SCAMP1: variants seen among roughly 807,000 people sequenced by gnomAD.
SCAMP1 encodes the protein secretory carrier membrane protein 1, also known as secretory carrier-associated membrane protein 1.
A neutral mutation model predicts 41.8 loss-of-function variants in SCAMP1; 15 were observed. That is an observed-to-expected ratio of 0.36 (90% CI 0.24 to 0.55). The LOEUF (loss-of-function observed/expected upper bound fraction) is 0.55. SCAMP1 is among the 20% of genes least tolerant of loss of function. The pLI is 0.86. For synonymous variants in SCAMP1, 135 were observed against 136.8 expected, an observed-to-expected ratio of 0.99 and a Z score of 0.09; for missense variants, 341 against 412.6, an observed-to-expected ratio of 0.83 and a Z score of 1.50.
intron 6 of SCAMP1, among the ~76,000 whole-genome samples, chr5:78,424,681 C>G (rs1752422235): frequency 6.6e-6 from 1 of 152,098 alleles, no homozygotes; most frequent in Admixed American, 6.6e-5. Flanking sequence ...GATCGTGCTA[C>G]TGCACTCCAG....
chr5:78,470,134 T>G (rs1237821088), intron 8 of SCAMP1, among the ~76,000 whole-genome samples: 1 of 152,024 alleles, frequency 6.6e-6, no homozygotes, highest in African/African-American at 2.4e-5. Context: ...AGTATACAAT[T>G]TAATGGCTTT....
At chr5:78,449,252 C>G (rs1753156019) in intron 6 of SCAMP1, among the ~76,000 whole-genome samples, 1 of 152,002 alleles carries the variant, frequency 6.6e-6, no homozygotes, top group Non-Finnish European at 1.5e-5. Context: ...ACCTAACTGT[C>G]CCAACAGTGA....
intron 2 of SCAMP1, among the ~76,000 whole-genome samples, chr5:78,395,372 C>T (rs1435760504): frequency 6.6e-6 from 1 of 152,188 alleles, no homozygotes; most frequent in Non-Finnish European, 1.5e-5. Context: ...TGTGGGTGAT[C>T]ATAAGGCTTG....
chr5:78,421,943 A>T lies in SCAMP1; in HGVS notation c.615A>T (p.Pro205=), dbSNP rs371467804. 1.2e-6 allele frequency: 2 copies of T among 1,612,080 alleles called. No homozygotes were observed. Among genetic ancestry groups the T allele is most frequent in the Non-Finnish European group, 1.7e-6 (2 of 1,179,360 alleles). Residue 205 remains proline (P), a synonymous_variant, in exon 6 of 9, where the codon CCA becomes CCT. Coordinates refer to ENST00000621999, the MANE Select transcript of SCAMP1 (RefSeq NM_004866.6). The stretch of plus-strand genomic sequence containing the variant: ...GTTCATTTGTCTGTTGGTACAGACC[A>T]CTTTATGGAGCTTTCAGGTAAAATG... ...TPCSFVCWYR[P]LYGAFRSDSS...
At chr5:78,447,379 A>G (rs574974282) in intron 6 of SCAMP1, among the ~76,000 whole-genome samples, 1 of 152,350 alleles carries the variant, frequency 6.6e-6, no homozygotes, top group South Asian at 2.1e-4. Flanking sequence ...AAACTTCAAA[A>G]TAGTATAATA....
chr5:78,421,184 G>C (rs1459006186), intron 5 of SCAMP1, among the ~76,000 whole-genome samples: 1 of 152,136 alleles, frequency 6.6e-6, no homozygotes, highest in African/African-American at 2.4e-5. Context: ...CAAAAGAAAA[G>C]CCTGCCACAG....
rs376267800 is a variant in SCAMP1, at chr5:78,425,786, T to A, written c.632+3826T>A. Among the ~76,000 whole-genome samples the A allele has an allele frequency of 2.6e-5, 4 of 152,326 alleles. No homozygotes were observed. The East Asian group carries it at 7.7e-4, about 29-fold the overall frequency. ...TATGGGAAAATTCAATGATTTATTTTATTTTATTTTACTTTAAGTTTTGGG... is the reference window on the plus strand; with the variant it reads ...TATGGGAAAATTCAATGATTTATTTAATTTTATTTTACTTTAAGTTTTGGG... On this transcript the variant is annotated intron_variant, in intron 6 of 8. Coordinates refer to ENST00000621999, the MANE Select transcript of SCAMP1 (RefSeq NM_004866.6).
chr5:78,417,906 G>C (rs966464314), intron 4 of SCAMP1, among the ~76,000 whole-genome samples: 1 of 152,122 alleles, frequency 6.6e-6, no homozygotes, highest in Admixed American at 6.6e-5. Flanking sequence ...AAATTACCCT[G>C]GTCTGGGAAA....
At chr5:78,391,694 C>G (rs1751509918) in intron 2 of SCAMP1, among the ~76,000 whole-genome samples, 1 of 152,216 alleles carries the variant, frequency 6.6e-6, no homozygotes, top group Non-Finnish European at 1.5e-5. Context: ...GAGATCACGC[C>G]ACCGCACTCC....
chr5:78,417,125 TG>T (rs1332312894), intron 4 of SCAMP1, among the ~76,000 whole-genome samples: 5 of 152,136 alleles, frequency 3.3e-5, no homozygotes, highest in African/African-American at 1.2e-4. Flanking sequence ...AAGAAATAAG[TG>T]GTGAATTGTT....
At chr5:78,444,648 C>A (rs1451707745) in intron 6 of SCAMP1, among the ~76,000 whole-genome samples, 1 of 152,146 alleles carries the variant, frequency 6.6e-6, no homozygotes, top group Non-Finnish European at 1.5e-5. Flanking sequence ...TTCTAGTAGT[C>A]TTGATTGTTA....
chr5:78,409,989 G>A (rs1313390361), intron 2 of SCAMP1, among the ~76,000 whole-genome samples: 1 of 152,050 alleles, frequency 6.6e-6, no homozygotes, highest in Non-Finnish European at 1.5e-5. Flanking sequence ...GCTTTGGGGC[G>A]ATGCTTTTGG....
intron 8 of SCAMP1, among the ~76,000 whole-genome samples, chr5:78,463,907 A>T (rs1179284267): frequency 1.3e-5 from 2 of 152,064 alleles, no homozygotes; most frequent in African/African-American, 2.4e-5. Flanking sequence ...ATACCTACTA[A>T]TGAGATGGCA....
At chr5:78,388,532 A>G (rs962711967) in intron 1 of SCAMP1, among the ~76,000 whole-genome samples, 1 of 152,208 alleles carries the variant, frequency 6.6e-6, no homozygotes, top group African/African-American at 2.4e-5. Context: ...TCTACCTGAG[A>G]TGCTTTTGTG....
chr5:78,463,055 T>C (rs1487387221), intron 8 of SCAMP1, among the ~76,000 whole-genome samples: 1 of 152,252 alleles, frequency 6.6e-6, no homozygotes, highest in Non-Finnish European at 1.5e-5. Flanking sequence ...ACTCAGACAT[T>C]TGTCTTTTAT....
At chr5:78,461,465 G>C (rs548135454) in intron 8 of SCAMP1, among the ~76,000 whole-genome samples, 1 of 152,308 alleles carries the variant, frequency 6.6e-6, no homozygotes, top group South Asian at 2.1e-4. Flanking sequence ...TGTCAGCTTT[G>C]TTAAAGATCA....
At chr5:78,369,325 T>G (rs753634372) in intron 1 of SCAMP1, among the ~76,000 whole-genome samples, 5 of 152,128 alleles carry the variant, frequency 3.3e-5, no homozygotes, top group Non-Finnish European at 7.3e-5. Context: ...CAGGCTGGTC[T>G]CCAACTCCTG....
chr5:78,462,263 C>T (rs1753637744), intron 8 of SCAMP1, among the ~76,000 whole-genome samples: 1 of 151,112 alleles, frequency 6.6e-6, no homozygotes, highest in African/African-American at 2.4e-5. Context: ...TTATTTGGTT[C>T]TCAGCTTGAA....
rs565853760 is a variant in SCAMP1, at chr5:78,431,609, C to T, written c.632+9649C>T. ...TCCCCTATTTCTTCATTATTTATATCTCTTAAAACTGTTTTTTAGTGATGC... is the reference window on the plus strand; with the variant it reads ...TCCCCTATTTCTTCATTATTTATATTTCTTAAAACTGTTTTTTAGTGATGC... On this transcript the variant is annotated intron_variant, in intron 6 of 8. Transcript: ENST00000621999. Among the ~76,000 whole-genome samples, 84 of 116,282 alleles carry T rather than the reference C, an allele frequency of 7.2e-4. 1 individual carries two copies. Among genetic ancestry groups the T allele is most frequent in the Admixed American group, 2.1e-3 (22 of 10,614 alleles). The allele number at this position is 116,282 out of a possible 152,430, so 76.3% of individuals were successfully genotyped here.
Sources: gnomAD v4.1 joint callset for allele counts (sites outside exome capture counted in the v4.1 genomes callset) on GRCh38, gnomAD v4.1.1 for gene constraint, MANE v1.5 for transcripts, NCBI Gene and HGNC (gene_info 2026-07-23, HGNC 2026-07-21) for gene names.